STXBP6: variants seen among roughly 807,000 people sequenced by gnomAD.
STXBP6 encodes the protein syntaxin binding protein 6.
A neutral mutation model predicts 26.9 loss-of-function variants in STXBP6; 21 were observed. That is an observed-to-expected ratio of 0.78 (90% CI 0.55 to 1.12). The LOEUF (loss-of-function observed/expected upper bound fraction) is 1.12. Ranked by LOEUF, STXBP6 falls within the 50% of genes most tolerant of loss-of-function variation. The pLI is 0.00. For synonymous variants in STXBP6, 97 were observed against 92.6 expected, an observed-to-expected ratio of 1.05 and a Z score of -0.27; for missense variants, 232 against 257.9, an observed-to-expected ratio of 0.90 and a Z score of 0.69.
chr14:24,854,251 C>T (rs1167217024), intron 4 of STXBP6, among the ~76,000 whole-genome samples: 8 of 152,098 alleles, frequency 5.3e-5, no homozygotes, highest in Admixed American at 2.6e-4. Context: ...AGCTCGTTTC[C>T]CTTGGAAGGA....
intron 2 of STXBP6, among the ~76,000 whole-genome samples, chr14:24,891,026 A>T (rs1268816882): frequency 6.6e-6 from 1 of 152,164 alleles, no homozygotes; most frequent in Non-Finnish European, 1.5e-5. Context: ...ACTTGTCTTT[A>T]CTTTTTTCCT....
chr14:25,017,460 C>T (rs1243901277), intron 1 of STXBP6, among the ~76,000 whole-genome samples: 1 of 152,130 alleles, frequency 6.6e-6, no homozygotes, highest in African/African-American at 2.4e-5. Context: ...AACTCAGAGG[C>T]AGAGGAAGTA....
chr14:24,963,127 T>C (rs2073606449), intron 2 of STXBP6, among the ~76,000 whole-genome samples: 1 of 152,162 alleles, frequency 6.6e-6, no homozygotes, highest in Non-Finnish European at 1.5e-5. Context: ...TTCATGTTTT[T>C]TATAACTAAT....
At chr14:24,871,803 G>T (rs935632083) in intron 2 of STXBP6, among the ~76,000 whole-genome samples, 2 of 152,114 alleles carry the variant, frequency 1.3e-5, no homozygotes, top group Admixed American at 1.3e-4. Context: ...AAATATCATT[G>T]CCTGGGACCA....
intron 2 of STXBP6, among the ~76,000 whole-genome samples, chr14:24,913,131 G>A (rs1482667803): frequency 1.3e-5 from 2 of 152,138 alleles, no homozygotes; most frequent in Non-Finnish European, 2.9e-5. Context: ...AAAGGATGCT[G>A]AAAAGGAAAC....
intron 4 of STXBP6, among the ~76,000 whole-genome samples, chr14:24,839,902 G>A (rs1222827064): frequency 6.6e-6 from 1 of 152,184 alleles, no homozygotes; most frequent in Admixed American, 6.5e-5. Flanking sequence ...GAGAGAAAGA[G>A]GACAAAGAAG....
At chr14:24,888,386 G>A (rs796280253) in intron 2 of STXBP6, among the ~76,000 whole-genome samples, 12 of 152,202 alleles carry the variant, frequency 7.9e-5, no homozygotes, top group African/African-American at 2.9e-4. Flanking sequence ...AGGATTTTAA[G>A]GCATCATCAC....
At chr14:24,904,664 T>C (rs758896426) in intron 2 of STXBP6, among the ~76,000 whole-genome samples, 2 of 151,830 alleles carry the variant, frequency 1.3e-5, no homozygotes, top group Admixed American at 6.6e-5. Context: ...ATACCAGGAG[T>C]GCATGACCAC....
intron 2 of STXBP6, among the ~76,000 whole-genome samples, chr14:24,956,311 T>G (rs1743568568): frequency 6.6e-6 from 1 of 152,122 alleles, no homozygotes; most frequent in African/African-American, 2.4e-5. Flanking sequence ...CGGCTGCCTA[T>G]GGGGACACAG....
At chr14:24,977,419 G>C (rs2074079076) in intron 1 of STXBP6, among the ~76,000 whole-genome samples, 2 of 151,748 alleles carry the variant, frequency 1.3e-5, no homozygotes, top group African/African-American at 4.8e-5. Flanking sequence ...CAGTGACCAA[G>C]AACAAGAGAG....
At chr14:24,982,326 G>A (rs1292377140) in intron 1 of STXBP6, among the ~76,000 whole-genome samples, 3 of 152,212 alleles carry the variant, frequency 2.0e-5, no homozygotes, top group Admixed American at 6.5e-5. Context: ...AGCAAACGCT[G>A]TGAATAATGA....
intron 2 of STXBP6, among the ~76,000 whole-genome samples, chr14:24,857,523 G>C (rs545457224): frequency 2.7e-4 from 41 of 152,148 alleles, no homozygotes; most frequent in African/African-American, 9.6e-4. Flanking sequence ...GTACTGACAG[G>C]CATCAGGTAA....
At chr14:25,031,743 CTA>C (rs2075460313) in intron 1 of STXBP6, among the ~76,000 whole-genome samples, 1 of 132,048 alleles carries the variant, frequency 7.6e-6, no homozygotes, top group Non-Finnish European at 1.6e-5. Flanking sequence ...TTGCTCAGTT[CTA>C]TATATCCTAA....
chr14:24,892,453 T>G (rs1417934136), intron 2 of STXBP6, among the ~76,000 whole-genome samples: 1 of 152,156 alleles, frequency 6.6e-6, no homozygotes, highest in Non-Finnish European at 1.5e-5. Flanking sequence ...GTTTCTATAT[T>G]CTTCAAGGGG....
At chr14:24,969,712 A>G (rs1377762361) in intron 2 of STXBP6, among the ~76,000 whole-genome samples, 1 of 152,208 alleles carries the variant, frequency 6.6e-6, no homozygotes, top group Non-Finnish European at 1.5e-5. Flanking sequence ...CCTAATCCAC[A>G]TGAGTGAGCA....
At chr14:24,911,545 T>C (rs938563105) in intron 2 of STXBP6, among the ~76,000 whole-genome samples, 40 of 152,096 alleles carry the variant, frequency 2.6e-4, no homozygotes, top group African/African-American at 9.2e-4. Flanking sequence ...CCACTATAGA[T>C]ACCAGCTTCT....
At chr14:24,837,353 TCTTTA>T (rs2068649566) in intron 4 of STXBP6, among the ~76,000 whole-genome samples, 1 of 152,202 alleles carries the variant, frequency 6.6e-6, no homozygotes, top group Non-Finnish European at 1.5e-5. Context: ...GCATCATCTT[TCTTTA>T]CTTAAGTTCG....
intron 2 of STXBP6, among the ~76,000 whole-genome samples, chr14:24,889,281 G>GGAAGAA (rs2070702456): frequency 6.6e-6 from 1 of 150,784 alleles, no homozygotes; most frequent in African/African-American, 2.4e-5. Context: ...CTAGGCAGGG[G>GGAAGAA]GAAGAAAACT....
chr14:24,912,502 C>A (rs552047241), intron 2 of STXBP6, among the ~76,000 whole-genome samples: 52 of 148,768 alleles, frequency 3.5e-4, no homozygotes, highest in Admixed American at 3.4e-3. Context: ...TTGTTAAAAT[C>A]TTCTATAACA....
Sources: gnomAD v4.1 joint callset for allele counts (sites outside exome capture counted in the v4.1 genomes callset) on GRCh38, gnomAD v4.1.1 for gene constraint, MANE v1.5 for transcripts, NCBI Gene and HGNC (gene_info 2026-07-23, HGNC 2026-07-21) for gene names.